XXYLT1: variants seen among roughly 807,000 people sequenced by gnomAD.
XXYLT1 encodes xyloside xylosyltransferase 1.
A neutral mutation model predicts 28.9 loss-of-function variants in XXYLT1; 20 were observed. The observed-to-expected ratio is 0.69, with a 90% CI of 0.49 to 1.00. XXYLT1 has a LOEUF of 1.00. Ranked by LOEUF, XXYLT1 falls within the 50% of genes least tolerant of loss-of-function variation. The pLI is 0.00. For missense variants in XXYLT1, 542 were observed against 560.1 expected (o/e 0.97, Z 0.33); for synonymous variants, 257 against 253.8 (o/e 1.01, Z -0.12).
intron 3 of XXYLT1, among the ~76,000 whole-genome samples, chr3:195,149,573 C>T (rs1560120863): frequency 6.6e-6 from 1 of 152,194 alleles, no homozygotes; most frequent in Non-Finnish European, 1.5e-5. Context: ...GGGGCTGCCT[C>T]GGGCACAGTC....
At chr3:195,252,174 T>C (rs1725282257) in intron 1 of XXYLT1, among the ~76,000 whole-genome samples, 1 of 152,238 alleles carries the variant, frequency 6.6e-6, no homozygotes, top group African/African-American at 2.4e-5. Flanking sequence ...CAGTAATACA[T>C]ATATATTTTA....
chr3:195,125,147 G>A (rs530165828), intron 3 of XXYLT1, among the ~76,000 whole-genome samples: 1 of 152,312 alleles, frequency 6.6e-6, no homozygotes, highest in East Asian at 1.9e-4. Context: ...GTGTGTAAGG[G>A]GCCACATGGC....
Position 195,270,947 on chromosome 3 carries a change from A to AGGCGCAGACGGCC in XXYLT1, c.99_111dup (p.Phe38GlyfsTer105), listed in dbSNP as rs1726006690. On this transcript the variant is annotated frameshift_variant, in exon 1 of 4. Coordinates refer to ENST00000310380, the MANE Select transcript of XXYLT1 (RefSeq NM_152531.5). LOFTEE classifies it high-confidence loss of function. ...TCCCGGCCTGAGCCGAGGTAGTAGA[A>AGGCGCAGACGGCC]GGCGCAGACGGCCAGCGCCGCGGCC... is the stretch of plus-strand genomic sequence containing the variant. 1.3e-6 allele frequency: 2 copies of AGGCGCAGACGGCC among 1,488,424 alleles called. No homozygotes were observed. Among genetic ancestry groups the AGGCGCAGACGGCC allele is most frequent in the East Asian group, 5.9e-5 (2 of 33,618 alleles). The allele number at this position is 1,488,424 out of a possible 1,614,324, so 92.2% of individuals were successfully genotyped here.
chr3:195,248,624 C>T (rs1332766930), intron 1 of XXYLT1, among the ~76,000 whole-genome samples: 3 of 152,208 alleles, frequency 2.0e-5, no homozygotes, highest in African/African-American at 7.2e-5. Flanking sequence ...CATTAAAATG[C>T]CCTTTTTCCT....
intron 1 of XXYLT1, among the ~76,000 whole-genome samples, chr3:195,244,453 A>C (rs1014752714): frequency 2.0e-5 from 3 of 152,162 alleles, no homozygotes; most frequent in African/African-American, 7.2e-5. Context: ...AGTCAGGCAC[A>C]GGAATCTTCA....
chr3:195,162,382 G>A (rs765658828), intron 2 of XXYLT1, among the ~76,000 whole-genome samples: 8 of 152,128 alleles, frequency 5.3e-5, no homozygotes, highest in Non-Finnish European at 1.2e-4. Flanking sequence ...TCGGATGGTC[G>A]GGGGGAGAAA....
At chr3:195,253,759 A>G (rs1725368469) in intron 1 of XXYLT1, among the ~76,000 whole-genome samples, 1 of 152,050 alleles carries the variant, frequency 6.6e-6, no homozygotes, top group African/African-American at 2.4e-5. Context: ...TCGGCCTCCC[A>G]AAGTTCTAGG....
At chr3:195,246,589 A>G (rs1725032261) in intron 1 of XXYLT1, among the ~76,000 whole-genome samples, 1 of 152,178 alleles carries the variant, frequency 6.6e-6, no homozygotes, top group Non-Finnish European at 1.5e-5. Context: ...AAATGAGAGG[A>G]ATGAGCAGTG....
intron 3 of XXYLT1, among the ~76,000 whole-genome samples, chr3:195,151,813 T>C (rs1720280216): frequency 2.6e-5 from 4 of 151,404 alleles, no homozygotes; most frequent in Admixed American, 1.3e-4. Context: ...GGGGGAGGGA[T>C]TGATTAGGAG....
chr3:195,110,759 AGTGTGTGTG>A (rs1560101600), intron 3 of XXYLT1, among the ~76,000 whole-genome samples: 1 of 81,190 alleles, frequency 1.2e-5, no homozygotes. Flanking sequence ...GTGGTGTATA[AGTGTGTGTG>A]GTGTGTGTGT....
chr3:195,092,931 G>A (rs1309125916), intron 3 of XXYLT1, among the ~76,000 whole-genome samples: 1 of 110,930 alleles, frequency 9.0e-6, no homozygotes, highest in Non-Finnish European at 1.7e-5. Context: ...ATGAAAAAAT[G>A]CTCATCATCA....
intron 3 of XXYLT1, among the ~76,000 whole-genome samples, chr3:195,102,822 A>G (rs1030016311): frequency 2.0e-5 from 3 of 152,192 alleles, no homozygotes; most frequent in African/African-American, 7.2e-5. Flanking sequence ...CCTTTGGGTC[A>G]ATGCCCAGAA....
intron 3 of XXYLT1, among the ~76,000 whole-genome samples, chr3:195,092,057 T>C (rs1215618150): frequency 2.2e-5 from 3 of 136,476 alleles, no homozygotes; most frequent in African/African-American, 5.9e-5. Context: ...GAACATGCCA[T>C]GCTCATGGGT....
chr3:195,110,543 GT>G, intron 3 of XXYLT1, among the ~76,000 whole-genome samples: 1 of 16,406 alleles, frequency 6.1e-5, no homozygotes, highest in Non-Finnish European at 1.5e-4. Context: ...GTGCGTGTGT[GT>G]GGTGTGTGTG....
chr3:195,113,798 A>G (rs967855091), intron 3 of XXYLT1, among the ~76,000 whole-genome samples: 5 of 152,038 alleles, frequency 3.3e-5, no homozygotes, highest in African/African-American at 1.2e-4. Flanking sequence ...GCCAGGAGAA[A>G]AGGGTGGAAA....
intron 2 of XXYLT1, among the ~76,000 whole-genome samples, chr3:195,165,114 A>G (rs187987675): frequency 6.6e-6 from 1 of 152,236 alleles, no homozygotes; most frequent in Admixed American, 6.5e-5. Context: ...TGTCTCTAAC[A>G]TGAAGGTCTC....
At chr3:195,221,679 G>T (rs554719919) in intron 2 of XXYLT1, among the ~76,000 whole-genome samples, 1 of 152,348 alleles carries the variant, frequency 6.6e-6, no homozygotes, top group South Asian at 2.1e-4. Context: ...TGACCCAGGA[G>T]GGGGAAGCTG....
rs1725473943 is a variant in XXYLT1, at chr3:195,256,260, C to T, written c.504+14295G>A. Among the ~76,000 whole-genome samples the T allele has an allele frequency of 6.6e-6, 1 of 152,204 alleles. No individual in the cohort carries two copies. Among genetic ancestry groups the T allele is most frequent in the South Asian group, 2.1e-4 (1 of 4,836 alleles). On this transcript the variant is annotated intron_variant, in intron 1 of 3. Transcript: ENST00000310380. The surrounding 1 kb of genome is among the most constrained non-coding windows in gnomAD (Gnocchi z 4.2). ...TAGCTACCCCTCACAGGCCTGGCTGCTCCAAGGTTAAATGAGGGAGGAAAA... is the reference window on the plus strand; with the variant it reads ...TAGCTACCCCTCACAGGCCTGGCTGTTCCAAGGTTAAATGAGGGAGGAAAA...
chr3:195,105,232 G>A (rs1426834276), intron 3 of XXYLT1, among the ~76,000 whole-genome samples: 2 of 152,248 alleles, frequency 1.3e-5, no homozygotes, highest in Non-Finnish European at 2.9e-5. Flanking sequence ...AACCAAGTGT[G>A]TCAAAGTGTG....
Sources: gnomAD v4.1 joint callset for allele counts (sites outside exome capture counted in the v4.1 genomes callset) on GRCh38, gnomAD v4.1.1 for gene constraint, Gnocchi (gnomAD v3.1) non-coding constraint, MANE v1.5 for transcripts, NCBI Gene and HGNC (gene_info 2026-07-23, HGNC 2026-07-21) for gene names.